SGCZ: variants seen among roughly 807,000 people sequenced by gnomAD.
SGCZ encodes the protein sarcoglycan zeta.
Under a neutral mutation model 41.3 loss-of-function variants are expected in SGCZ, and 40 were observed. The ratio of observed to expected loss-of-function variants is 0.97; its 90% CI spans 0.75 to 1.26. SGCZ has a LOEUF of 1.26. SGCZ is among the 50% of genes most tolerant of loss of function. The pLI is 0.00. For synonymous variants in SGCZ, 206 were observed against 137.5 expected, an observed-to-expected ratio of 1.50 and a Z score of -3.49; for missense variants, 552 against 369.8, an observed-to-expected ratio of 1.49 and a Z score of -4.04.
chr8:14,736,580 A>C (rs1799038279), intron 1 of SGCZ, among the ~76,000 whole-genome samples: 1 of 152,054 alleles, frequency 6.6e-6, no homozygotes, highest in Non-Finnish European at 1.5e-5. Context: ...CCATCACCTG[A>C]GCAGTACACA....
At chr8:14,419,892 T>C (rs1222335144) in intron 2 of SGCZ, among the ~76,000 whole-genome samples, 1 of 152,070 alleles carries the variant, frequency 6.6e-6, no homozygotes, top group Non-Finnish European at 1.5e-5. Context: ...CGTTTGTTTC[T>C]AAAGCGACGA....
chr8:14,997,736 G>A (rs1802266114), intron 1 of SGCZ, among the ~76,000 whole-genome samples: 1 of 152,148 alleles, frequency 6.6e-6, no homozygotes, highest in Non-Finnish European at 1.5e-5. Flanking sequence ...AAGGCAGGCG[G>A]ACCACTTGAG....
At chr8:14,284,290 G>T (rs996988083) in intron 3 of SGCZ, among the ~76,000 whole-genome samples, 1 of 152,170 alleles carries the variant, frequency 6.6e-6, no homozygotes, top group Non-Finnish European at 1.5e-5. Context: ...ATACTCAGGA[G>T]GCTGAGGTGG....
chr8:14,768,213 C>T (rs1800106719), intron 1 of SGCZ, among the ~76,000 whole-genome samples: 1 of 152,190 alleles, frequency 6.6e-6, no homozygotes, highest in Admixed American at 6.5e-5. Context: ...TTATAAAATC[C>T]TTTAACATAT....
At chr8:14,249,604 G>T (rs1201188524) in intron 3 of SGCZ, among the ~76,000 whole-genome samples, 1 of 152,086 alleles carries the variant, frequency 6.6e-6, no homozygotes, top group Non-Finnish European at 1.5e-5. Context: ...GTTAATTGTG[G>T]TTATACCTTA....
intron 1 of SGCZ, among the ~76,000 whole-genome samples, chr8:15,001,728 CAAAAAAAAAA>C (rs1223307583): frequency 3.7e-5 from 3 of 81,044 alleles, no homozygotes; most frequent in South Asian, 4.6e-4. Context: ...GACTCCGTCT[CAAAAAAAAAA>C]AAAAAAAAAA....
chr8:14,739,178 A>G (rs1461258361), intron 1 of SGCZ, among the ~76,000 whole-genome samples: 1 of 152,076 alleles, frequency 6.6e-6, no homozygotes, highest in African/African-American at 2.4e-5. Flanking sequence ...TCTAATTTTT[A>G]AATCTAGGTG....
rs189879524 is a variant in SGCZ at position 15,083,341 on chromosome 8, G to A, written c.39+154244C>T. ...CAGATCATCTCTCCTTAGAATAACG[G>A]TATCACCGATTTCAACACATATAAT... On this transcript the variant is annotated intron_variant, in intron 1 of 7. Transcript: ENST00000382080. 1.9e-3 allele frequency among the ~76,000 whole-genome samples: 287 copies of A among 151,974 alleles called. 1 individual carries two copies. Among genetic ancestry groups the A allele is most frequent in the African/African-American group, 6.7e-3 (276 of 41,436 alleles).
chr8:14,442,279 A>G (rs1026022987), intron 2 of SGCZ, among the ~76,000 whole-genome samples: 1 of 152,278 alleles, frequency 6.6e-6, no homozygotes, highest in Non-Finnish European at 1.5e-5. Context: ...GTGATAATGA[A>G]TAAGTATCAT....
intron 1 of SGCZ, among the ~76,000 whole-genome samples, chr8:14,680,797 T>TA (rs74221214): frequency 0.2 from 30,233 of 151,612 alleles, 3,650 homozygotes; most frequent in East Asian, 0.44. Context: ...AGACTGTATT[T>TA]AAAAAGACAC....
chr8:14,860,708 GAGAAAGAAAGAAAGAA>G (rs10532441), intron 1 of SGCZ, among the ~76,000 whole-genome samples: 11 of 132,766 alleles, frequency 8.3e-5, no homozygotes, highest in East Asian at 6.7e-4. Context: ...AAGAAAGAAA[GAGAAAGAAAGAAAGAA>G]AGAAAGAAAG....
At chr8:15,157,324 G>A (rs73527054) in intron 1 of SGCZ, among the ~76,000 whole-genome samples, 8,060 of 151,948 alleles carry the variant, frequency 0.053, 547 homozygotes, top group African/African-American at 0.16. Context: ...CTTGACCCCA[G>A]GAGCCCAGGA....
intron 1 of SGCZ, among the ~76,000 whole-genome samples, chr8:14,645,094 G>T (rs1402450277): frequency 6.6e-6 from 1 of 151,546 alleles, no homozygotes; most frequent in African/African-American, 2.4e-5. Context: ...GCATCCCAGG[G>T]CATAAAAGTT....
chr8:15,080,715 C>T (rs1451197119), intron 1 of SGCZ, among the ~76,000 whole-genome samples: 1 of 152,088 alleles, frequency 6.6e-6, no homozygotes, highest in African/African-American at 2.4e-5. Context: ...CTCAGCCTCC[C>T]AAGTAACTTG....
intron 4 of SGCZ, among the ~76,000 whole-genome samples, chr8:14,210,816 G>C (rs537359065): frequency 6.6e-6 from 1 of 152,170 alleles, no homozygotes; most frequent in South Asian, 2.1e-4. Flanking sequence ...GTCACTATTT[G>C]CCAAAGATTG....
At chr8:15,232,831 A>C (rs1801997563) in intron 1 of SGCZ, among the ~76,000 whole-genome samples, 1 of 149,918 alleles carries the variant, frequency 6.7e-6, no homozygotes, top group Non-Finnish European at 1.5e-5. Context: ...CAAAATAGCT[A>C]ATAGGGTACA....
At chr8:14,325,519 T>G (rs892714389) in intron 2 of SGCZ, among the ~76,000 whole-genome samples, 1 of 147,632 alleles carries the variant, frequency 6.8e-6, no homozygotes, top group African/African-American at 2.5e-5. Context: ...TCATATATAA[T>G]AGATATATAA....
intron 1 of SGCZ, among the ~76,000 whole-genome samples, chr8:14,725,796 T>C (rs753269649): frequency 3.0e-4 from 45 of 152,210 alleles, no homozygotes; most frequent in Admixed American, 1.0e-3. Context: ...AAAAAGAAGA[T>C]TGAAATATAC....
intron 2 of SGCZ, among the ~76,000 whole-genome samples, chr8:14,416,543 A>G (rs1042215591): frequency 3.3e-5 from 5 of 152,044 alleles, no homozygotes; most frequent in Middle Eastern, 3.4e-3. Flanking sequence ...ACAGAGAAAT[A>G]CTGAGAAAAG....
Sources: gnomAD v4.1 joint callset for allele counts (sites outside exome capture counted in the v4.1 genomes callset) on GRCh38, gnomAD v4.1.1 for gene constraint, MANE v1.5 for transcripts, NCBI Gene and HGNC (gene_info 2026-07-23, HGNC 2026-07-21) for gene names.